Variants in SYNE2 observed in about 807,000 individuals in gnomAD.
The protein encoded by SYNE2 is nesprin-2.
In SYNE2, 431 loss-of-function variants were observed where a neutral mutation model predicts 856.3. That is an observed-to-expected ratio of 0.50 (90% CI 0.47 to 0.55). The LOEUF is 0.55. SYNE2 is among the 20% of genes least tolerant of loss of function. SYNE2 has a pLI of 0.00. For synonymous variants in SYNE2, 2,923 were observed against 2,872.3 expected (o/e 1.02, Z -0.56); for missense variants, 8,129 against 8,023.2 (o/e 1.01, Z -0.50).
At chr14:64,154,508 A>G (rs917387946) in intron 85 of SYNE2, among the ~76,000 whole-genome samples, 2 of 152,082 alleles carry the variant, frequency 1.3e-5, no homozygotes, top group African/African-American at 4.8e-5. Context: ...AAAAATGGAT[A>G]CAAGCCAGGC....
intron 12 of SYNE2, among the ~76,000 whole-genome samples, chr14:63,976,966 C>T (rs531528865): frequency 1.5e-4 from 22 of 142,808 alleles, no homozygotes; most frequent in African/African-American, 5.5e-4. Context: ...TCTAAAGCAA[C>T]TATAAATAAA....
Position 64,049,841 on chromosome 14 carries a change from G to A in SYNE2, c.7608G>A (p.Met2536Ile), listed in dbSNP as rs1380718793. Residue 2536 changes from methionine to isoleucine, a missense_variant, in exon 47 of 116, where the codon ATG becomes ATA. Transcript: ENST00000555002. Reference protein sequence around the residue: ...QEYLAAVESSMKALLTDKESL... With the variant: ...QEYLAAVESSIKALLTDKESL... ...ACCTTGCTGCAGTTGAATCTTCAAT[G>A]AAAGCCTTGTTGACAGACAAGGAAA... 25 of 1,614,102 alleles carry A rather than the reference G, an allele frequency of 1.5e-5. No individual in the cohort carries two copies. Among genetic ancestry groups the A allele is most frequent in the Admixed American group, 3.3e-5 (2 of 60,010 alleles).
At position 64,031,244 on chromosome 14, in the gene SYNE2, A is replaced by G; in HGVS notation, c.7108A>G (p.Lys2370Glu). The G allele has an allele frequency of 1.2e-6, 2 of 1,614,068 alleles. No homozygotes were observed. The highest frequency in any genetic ancestry group is 1.7e-6 in the Non-Finnish European group (2 of 1,179,936). ...CAAATCAAAACGCTCAACAGAAAAG[A>G]AAGGAAAGTTTACTCTGCCAGGCAG... is the stretch of plus-strand genomic sequence containing the variant. ...ILKSKRSTEK[K>E]GKFTLPGREK... Residue 2370 changes from lysine to glutamate, a missense_variant, in exon 45 of 116, where the codon AAA becomes GAA. This residue lies in a region of SYNE2 where 297 missense variants were observed against 380.9 expected (regional missense o/e 0.78). Coordinates refer to ENST00000555002, the MANE Select transcript of SYNE2 (RefSeq NM_182914.3).
intron 97 of SYNE2, among the ~76,000 whole-genome samples, chr14:64,187,258 C>T (rs946292141): frequency 6.6e-6 from 1 of 152,160 alleles, no homozygotes; most frequent in South Asian, 2.1e-4. Flanking sequence ...ATTCCTTAAT[C>T]TCATTTTTGT....
intron 65 of SYNE2, 73 bp from the exon 66 acceptor site, chr14:64,113,268 C>T (rs969638135): frequency 6.2e-7 from 1 of 1,609,140 alleles, no homozygotes; most frequent in African/African-American, 1.3e-5. Context: ...GGAAATGTTG[C>T]AGGTTCCCAG....
At chr14:63,828,022 G>C (rs1472715825) in intron 1 of SYNE2, among the ~76,000 whole-genome samples, 1 of 140,674 alleles carries the variant, frequency 7.1e-6, no homozygotes, top group African/African-American at 2.6e-5. Context: ...GCGAGTCTTC[G>C]TCTTTCAAAA....
In SYNE2 at chr14:63,982,512, T is replaced by TC. The variant is rs1361339507; in HGVS notation, c.1837-116dup. ...TCCAGCCTGGGCAACAGAGCAAGAC[T>TC]CCATCTCAAAAAAAAAAAAAAAAAA... On this transcript the variant is annotated intron_variant, in intron 16 of 115. Transcript: ENST00000555002. The TC allele has an allele frequency of 3.1e-5, 30 of 968,002 alleles. No homozygotes were observed. The East Asian group carries it at 8.1e-4, about 26-fold the overall frequency. 60.0% of individuals were successfully genotyped at this position (968,002 alleles called of 1,614,324 possible). A position where few individuals can be genotyped will look rare whatever the true frequency, so the allele number is the denominator to read the frequency against.
At chr14:63,934,660 A>G (rs997683307) in intron 2 of SYNE2, among the ~76,000 whole-genome samples, 2 of 151,146 alleles carry the variant, frequency 1.3e-5, no homozygotes, top group Non-Finnish European at 3.0e-5. Flanking sequence ...GCTGCATTTC[A>G]CCTCCTCTGA....
chr14:63,972,442 T>C (rs1396174916), intron 11 of SYNE2, among the ~76,000 whole-genome samples: 1 of 152,192 alleles, frequency 6.6e-6, no homozygotes, highest in African/African-American at 2.4e-5. Context: ...AGTTTCTTGG[T>C]GTGGCAAAAT....
chr14:64,191,764 C>T (rs1422774526), intron 99 of SYNE2, among the ~76,000 whole-genome samples: 1 of 152,062 alleles, frequency 6.6e-6, no homozygotes, highest in African/African-American at 2.4e-5. Context: ...CTCTCCACAG[C>T]CAGTTGGGGG....
intron 77 of SYNE2, among the ~76,000 whole-genome samples, chr14:64,132,954 G>A (rs552750520): frequency 3.6e-4 from 55 of 152,270 alleles, no homozygotes; most frequent in African/African-American, 1.2e-3. Context: ...TGTAATCCCA[G>A]CACTTTGGGA....
chr14:63,908,602 G>A (rs907055560), intron 1 of SYNE2, among the ~76,000 whole-genome samples: 1 of 152,166 alleles, frequency 6.6e-6, no homozygotes, highest in African/African-American at 2.4e-5. Context: ...TGATATATTA[G>A]ATTTTTAGTT....
At chr14:64,115,546 G>A (rs1275394617) in intron 66 of SYNE2, among the ~76,000 whole-genome samples, 1 of 152,204 alleles carries the variant, frequency 6.6e-6, no homozygotes, top group Non-Finnish European at 1.5e-5. Context: ...GTGGCTGGCA[G>A]ATGTTGGGTG....
intron 50 of SYNE2, among the ~76,000 whole-genome samples, chr14:64,063,346 C>G (rs1023278486): frequency 2.6e-5 from 4 of 152,168 alleles, no homozygotes; most frequent in Admixed American, 2.6e-4. Context: ...CTGCGCCTGG[C>G]CTTATGTAAT....
chr14:64,214,965 C>T (rs2098658846), intron 106 of SYNE2, among the ~76,000 whole-genome samples: 1 of 152,110 alleles, frequency 6.6e-6, no homozygotes, highest in Non-Finnish European at 1.5e-5. Context: ...GTCTTGAACT[C>T]CTGGGCTCAA....
At chr14:63,952,812 A>G (rs2096183986) in intron 7 of SYNE2, among the ~76,000 whole-genome samples, 2 of 152,190 alleles carry the variant, frequency 1.3e-5, no homozygotes, top group African/African-American at 4.8e-5. Context: ...AACCCAGGTC[A>G]TCTGGAGCAG....
chr14:64,176,828 T>C (rs28402346), intron 95 of SYNE2, among the ~76,000 whole-genome samples: 18,965 of 151,914 alleles, frequency 0.12, 2,040 homozygotes, highest in African/African-American at 0.3. Flanking sequence ...GATGGAGTCT[T>C]GCTCTGTCAC....
intron 1 of SYNE2, among the ~76,000 whole-genome samples, chr14:63,861,343 C>G (rs1221540516): frequency 6.6e-6 from 1 of 151,904 alleles, no homozygotes; most frequent in Non-Finnish European, 1.5e-5. Context: ...CGGGGTTTCA[C>G]CATGTTGGTC....
chr14:63,830,647 C>G (rs546868475), intron 1 of SYNE2, among the ~76,000 whole-genome samples: 6 of 151,406 alleles, frequency 4.0e-5, no homozygotes, highest in African/African-American at 1.5e-4. Flanking sequence ...AGCAATGGAG[C>G]AAGACTTCAT....
Sources: allele counts gnomAD v4.1 joint callset (sites outside exome capture counted in the v4.1 genomes callset), GRCh38; gene constraint gnomAD v4.1.1; regional missense constraint gnomAD v4.1.1; transcripts MANE v1.5; gene names NCBI Gene and HGNC (gene_info 2026-07-23, HGNC 2026-07-21).